PGCKA1: variants seen among roughly 807,000 people sequenced by gnomAD.
PGCKA1 encodes PDCD10 and GCKIII kinases-associated protein 1.
chr4:37,545,839 A>C, the PGCKA1 span, among the ~76,000 whole-genome samples: 56 of 152,242 alleles, frequency 3.7e-4, no homozygotes, highest in Admixed American at 3.7e-3. Flanking sequence ...GCCTCCAAAA[A>C]TAATAATTCT....
chr4:37,536,783 C>T, the PGCKA1 span, among the ~76,000 whole-genome samples: 3 of 152,194 alleles, frequency 2.0e-5, no homozygotes, highest in African/African-American at 7.2e-5. Flanking sequence ...AGTTGTGTTC[C>T]AATAGACATG....
chr4:37,516,521 T>C, the PGCKA1 span, among the ~76,000 whole-genome samples: 1 of 152,204 alleles, frequency 6.6e-6, no homozygotes, highest in Non-Finnish European at 1.5e-5. Context: ...CAGATATCAG[T>C]AGGAGTTCTA....
the PGCKA1 span, among the ~76,000 whole-genome samples, chr4:37,584,562 G>C: frequency 6.6e-6 from 1 of 152,190 alleles, no homozygotes; most frequent in Admixed American, 6.5e-5. Context: ...GGAAGGAGGG[G>C]AGCCTAAAAG....
the PGCKA1 span, among the ~76,000 whole-genome samples, chr4:37,483,144 T>G: frequency 6.6e-6 from 1 of 152,160 alleles, no homozygotes; most frequent in African/African-American, 2.4e-5. Flanking sequence ...GTTGGTTTTA[T>G]AAAGGGCTTC....
the PGCKA1 span, among the ~76,000 whole-genome samples, chr4:37,509,782 G>A: frequency 6.6e-6 from 1 of 151,700 alleles, no homozygotes; most frequent in African/African-American, 2.4e-5. Context: ...CCAACACAGC[G>A]AAACCCCGTC....
chr4:37,509,399 A>G, the PGCKA1 span, among the ~76,000 whole-genome samples: 2 of 134,998 alleles, frequency 1.5e-5, no homozygotes, highest in Middle Eastern at 7.1e-3. Flanking sequence ...CACATCCCAG[A>G]CGGGGCGGCA....
At chr4:37,486,296 C>T in the PGCKA1 span, among the ~76,000 whole-genome samples, 1 of 152,094 alleles carries the variant, frequency 6.6e-6, no homozygotes. Flanking sequence ...TATCAGGAGC[C>T]ATGGGGACTA....
At chr4:37,559,278 G>C in the PGCKA1 span, among the ~76,000 whole-genome samples, 2 of 121,414 alleles carry the variant, frequency 1.6e-5, no homozygotes, top group Non-Finnish European at 3.4e-5. Context: ...AAAAAGATGA[G>C]TTCATGCCCT....
the PGCKA1 span, among the ~76,000 whole-genome samples, chr4:37,468,017 G>T: frequency 2.9e-4 from 44 of 152,316 alleles, no homozygotes; most frequent in South Asian, 8.9e-3. Context: ...TGCCTAATTG[G>T]TTATGCTGGG....
the PGCKA1 span, among the ~76,000 whole-genome samples, chr4:37,572,754 G>C: frequency 6.6e-6 from 1 of 152,122 alleles, no homozygotes; most frequent in Non-Finnish European, 1.5e-5. Context: ...CATACCTGAA[G>C]ATAATTTTAT....
chr4:37,472,056 TG>T, the PGCKA1 span, among the ~76,000 whole-genome samples: 1 of 152,224 alleles, frequency 6.6e-6, no homozygotes, highest in Admixed American at 6.5e-5. Flanking sequence ...GGCTGGTTCC[TG>T]GAGCTGTCAT....
chr4:37,525,819 T>A, the PGCKA1 span, among the ~76,000 whole-genome samples: 1 of 152,158 alleles, frequency 6.6e-6, no homozygotes, highest in Non-Finnish European at 1.5e-5. Context: ...GTAGTGTCTG[T>A]TTTTAGAATT....
At chr4:37,574,850 G>A in the PGCKA1 span, among the ~76,000 whole-genome samples, 1 of 151,712 alleles carries the variant, frequency 6.6e-6, no homozygotes, top group African/African-American at 2.4e-5. Context: ...ACAGATAAGT[G>A]AGAACATGAG....
At chr4:37,593,432 A>G in the PGCKA1 span, among the ~76,000 whole-genome samples, 1 of 152,210 alleles carries the variant, frequency 6.6e-6, no homozygotes, top group South Asian at 2.1e-4. Context: ...ATCACTTTGT[A>G]GTCCATAATG....
At chr4:37,573,412 C>T in the PGCKA1 span, among the ~76,000 whole-genome samples, 2 of 152,188 alleles carry the variant, frequency 1.3e-5, no homozygotes, top group African/African-American at 4.8e-5. Context: ...TCAGGATATG[C>T]ATCCAAGTCT....
At chr4:37,466,607 C>G in the PGCKA1 span, among the ~76,000 whole-genome samples, 13 of 152,190 alleles carry the variant, frequency 8.5e-5, no homozygotes, top group East Asian at 2.5e-3. Flanking sequence ...TGATTCTCCT[C>G]TTGAATAAAG....
the PGCKA1 span, chr4:37,591,017 A>G: frequency 1.5e-5 from 23 of 1,583,508 alleles, no homozygotes; most frequent in East Asian, 4.9e-4. Context: ...GGATTTGCAC[A>G]GGGAGGTAAG....
the PGCKA1 span, among the ~76,000 whole-genome samples, chr4:37,507,556 C>G: frequency 1.8e-4 from 28 of 152,044 alleles, no homozygotes; most frequent in Non-Finnish European, 3.1e-4. Flanking sequence ...AAAAGTAACC[C>G]TAACTCTATA....
chr4:37,569,979 CTTTTTT>C, the PGCKA1 span, among the ~76,000 whole-genome samples: 10 of 119,280 alleles, frequency 8.4e-5, no homozygotes, highest in Non-Finnish European at 1.1e-4. Flanking sequence ...GCATATAATC[CTTTTTT>C]TTTTTTTTTT....
Sources: gnomAD v4.1 joint callset for allele counts (sites outside exome capture counted in the v4.1 genomes callset) on GRCh38, gnomAD v4.1.1 for gene constraint, MANE v1.5 for transcripts, NCBI Gene and HGNC (gene_info 2026-07-23, HGNC 2026-07-21) for gene names.